ANK1: variants seen among roughly 807,000 people sequenced by gnomAD.
ANK1 encodes the protein ankyrin 1.
In ANK1, 51 loss-of-function variants were observed where a neutral mutation model predicts 210.4. That is an observed-to-expected ratio of 0.24 (90% CI 0.19 to 0.31). The LOEUF is 0.31. Ranked by LOEUF, ANK1 falls within the 10% of genes least tolerant of loss-of-function variation. The probability of loss-of-function intolerance (pLI) is 1.00; values close to 1 mark genes in which losing one functional copy is unlikely to be tolerated. For synonymous variants in ANK1, 967 were observed against 1,025.9 expected, an observed-to-expected ratio of 0.94 and a Z score of 1.10; for missense variants, 2,051 against 2,504.4, an observed-to-expected ratio of 0.82 and a Z score of 3.86.
At chr8:41,714,885 G>T in intron 15 of ANK1, 91 bp downstream of exon 15, 1 of 1,312,022 alleles carries the variant, frequency 7.6e-7, no homozygotes, top group Non-Finnish European at 1.1e-6. Flanking sequence ...GAACAACACA[G>T]GCAAGAGATG....
rs533202093 is a variant in ANK1, at chr8:41,664,708, C to G, written c.5395-966G>C. 2.5e-4 allele frequency: 317 copies of G among 1,276,662 alleles called. No homozygotes were observed. The African/African-American group carries it at 4.2e-3, about 17-fold the overall frequency. The allele number at this position is 1,276,662 out of a possible 1,614,324, so 79.1% of individuals were successfully genotyped here. A position where few individuals can be genotyped will look rare whatever the true frequency, so the allele number is the denominator to read the frequency against. Reference sequence around the variant, plus strand: ...CTGGTCCTTTTCCTCCGGCGTCTCCCAACTCTGGGTCCGGAGCTCCCCACA... The same window carrying G: ...CTGGTCCTTTTCCTCCGGCGTCTCCGAACTCTGGGTCCGGAGCTCCCCACA... On this transcript the variant is annotated intron_variant, in intron 39 of 42. Transcript: ENST00000289734.
chr8:41,882,772 G>A (rs1201071464), intron 1 of ANK1, among the ~76,000 whole-genome samples: 1 of 152,246 alleles, frequency 6.6e-6, no homozygotes, highest in African/African-American at 2.4e-5. Context: ...CAGGAAAACA[G>A]GCAGCCAGGG....
At chr8:41,829,951 A>AAAAAAAAAAAAC in intron 1 of ANK1, 1 of 151,316 alleles carries the variant, frequency 6.6e-6, no homozygotes, top group Non-Finnish European at 1.5e-5. Flanking sequence ...AAAAAAAAAA[A>AAAAAAAAAAAAC]AAAAAAATCT....
At chr8:41,815,541 T>C (rs1803184018) in intron 1 of ANK1, among the ~76,000 whole-genome samples, 1 of 152,154 alleles carries the variant, frequency 6.6e-6, no homozygotes, top group Admixed American at 6.5e-5. Context: ...CTTCTTTCAT[T>C]TTGAAACAAC....
At chr8:41,717,216 T>A (rs1262175526) in intron 12 of ANK1, among the ~76,000 whole-genome samples, 165 bp from the exon 13 acceptor site, 1 of 152,206 alleles carries the variant, frequency 6.6e-6, no homozygotes, top group Non-Finnish European at 1.5e-5. Context: ...CATGTGTGCA[T>A]GAGCATGTAT....
At chr8:41,773,810 G>C (rs576833796) in intron 1 of ANK1, among the ~76,000 whole-genome samples, 1 of 152,096 alleles carries the variant, frequency 6.6e-6, no homozygotes, top group Non-Finnish European at 1.5e-5. Flanking sequence ...CCACGGCCAC[G>C]GTGCCCAGCT....
intron 1 of ANK1, among the ~76,000 whole-genome samples, chr8:41,806,232 TA>T (rs1446819228): frequency 6.6e-6 from 1 of 152,174 alleles, no homozygotes; most frequent in Non-Finnish European, 1.5e-5. Flanking sequence ...CAGAGTATGA[TA>T]GACTGGACAA....
At chr8:41,826,334 T>G (rs1226487619) in intron 1 of ANK1, among the ~76,000 whole-genome samples, 2 of 152,050 alleles carry the variant, frequency 1.3e-5, no homozygotes, top group African/African-American at 4.8e-5. Flanking sequence ...GTAGGAAAGG[T>G]GGGAGCTCTG....
chr8:41,701,306 T>A (rs1490773379), intron 22 of ANK1, among the ~76,000 whole-genome samples: 2 of 152,236 alleles, frequency 1.3e-5, no homozygotes, highest in Admixed American at 6.5e-5. Context: ...CAAACATACA[T>A]GTGTTTTTGA....
chr8:41,797,782 C>T (rs1053434153), upstream of ANK1, among the ~76,000 whole-genome samples: 3 of 152,034 alleles, frequency 2.0e-5, no homozygotes, highest in African/African-American at 7.2e-5. The surrounding 1 kb of genome is among the most constrained non-coding windows in gnomAD (Gnocchi z 4.0). Context: ...CCCAGGAGGC[C>T]CCGCTCCCCA....
chr8:41,835,341 C>A (rs4736822), intron 1 of ANK1, among the ~76,000 whole-genome samples: 70,697 of 152,016 alleles, frequency 0.47, 17,600 homozygotes, highest in East Asian at 0.82. Flanking sequence ...AATTCCAGCT[C>A]CTCCAGAGGC....
intron 1 of ANK1, among the ~76,000 whole-genome samples, chr8:41,846,650 C>T (rs896639999): frequency 1.6e-4 from 25 of 152,250 alleles, no homozygotes; most frequent in African/African-American, 6.0e-4. Context: ...TATCAGCCTG[C>T]AGTTAATTGA....
intron 1 of ANK1, among the ~76,000 whole-genome samples, chr8:41,771,912 G>C (rs367954930): frequency 6.6e-6 from 1 of 152,194 alleles, no homozygotes; most frequent in African/African-American, 2.4e-5. Context: ...GGGATTTCAC[G>C]AGCTGGAAGA....
intron 40 of ANK1, among the ~76,000 whole-genome samples, 188 bp downstream of exon 40, chr8:41,663,471 T>G (rs1046157763): frequency 3.3e-5 from 5 of 152,144 alleles, no homozygotes; most frequent in Non-Finnish European, 5.9e-5. Flanking sequence ...GAGGACACCA[T>G]GACTGGACTG....
At chr8:41,780,688 G>A (rs1845108954) in intron 1 of ANK1, among the ~76,000 whole-genome samples, 1 of 152,238 alleles carries the variant, frequency 6.6e-6, no homozygotes, top group Non-Finnish European at 1.5e-5. Context: ...GTACACATGT[G>A]TGCATGCCTG....
At chr8:41,780,495 C>T (rs1845056762) in intron 1 of ANK1, among the ~76,000 whole-genome samples, 1 of 152,252 alleles carries the variant, frequency 6.6e-6, no homozygotes, top group Non-Finnish European at 1.5e-5. Context: ...GTGAGACGTC[C>T]TCCTCTGCCC....
Position 41,842,829 on chromosome 8 carries a change from A to G in ANK1, c.126+53526T>C, listed in dbSNP as rs12677536. Among the ~76,000 whole-genome samples the G allele has an allele frequency of 1.0e-3, 152 of 152,174 alleles. 1 individual carries two copies. In the East Asian group the frequency reaches 0.027, roughly 27 times the overall value. On this transcript the variant is annotated intron_variant, in intron 1 of 42. Transcript: ENST00000265709. ...GATTATTTAGATAAAATTACTGAACACATTTTTGGGGGGTTGTTCATTTGT... is the reference window on the plus strand; with the variant it reads ...GATTATTTAGATAAAATTACTGAACGCATTTTTGGGGGGTTGTTCATTTGT...
chr8:41,857,600 T>C (rs998805396), intron 1 of ANK1, among the ~76,000 whole-genome samples: 3 of 151,978 alleles, frequency 2.0e-5, no homozygotes, highest in Admixed American at 1.3e-4. Context: ...TAGCCAGGCA[T>C]GGTGGCACAT....
At chr8:41,823,907 C>A (rs781164505) in intron 1 of ANK1, among the ~76,000 whole-genome samples, 5 of 152,184 alleles carry the variant, frequency 3.3e-5, no homozygotes, top group Non-Finnish European at 5.9e-5. Context: ...ACTTTTACAA[C>A]ATATATATGT....
Sources: gnomAD v4.1 joint callset for allele counts (sites outside exome capture counted in the v4.1 genomes callset) on GRCh38, gnomAD v4.1.1 for gene constraint, Gnocchi (gnomAD v3.1) non-coding constraint, MANE v1.5 for transcripts, NCBI Gene and HGNC (gene_info 2026-07-23, HGNC 2026-07-21) for gene names.